PTPRK: variants seen among roughly 807,000 people sequenced by gnomAD.
PTPRK encodes receptor-type tyrosine-protein phosphatase kappa.
In PTPRK, 75 loss-of-function variants were observed where a neutral mutation model predicts 178.0. The observed-to-expected ratio is 0.42, with a 90% CI of 0.35 to 0.51. The LOEUF is 0.51. Among genes scored for constraint, PTPRK ranks in the 20% least tolerant of loss-of-function variants. PTPRK has a pLI of 0.02. For synonymous variants in PTPRK, 637 were observed against 620.6 expected, an observed-to-expected ratio of 1.03 and a Z score of -0.39; for missense variants, 1,441 against 1,797.8, an observed-to-expected ratio of 0.80 and a Z score of 3.59.
chr6:128,218,879 T>C (rs772118325), intron 6 of PTPRK, 43 bp downstream of exon 6: 3 of 1,528,832 alleles, frequency 2.0e-6, no homozygotes, highest in Admixed American at 1.8e-5. Context: ...TTTGTTCTAA[T>C]AAAGCCATGC....
chr6:128,236,283 C>T (rs536332813), intron 5 of PTPRK, among the ~76,000 whole-genome samples: 1 of 150,654 alleles, frequency 6.6e-6, no homozygotes, highest in East Asian at 2.0e-4. Context: ...TCACTGAGCT[C>T]TCAATTGAAA....
intron 7 of PTPRK, among the ~76,000 whole-genome samples, chr6:128,155,009 T>C (rs1797771169): frequency 6.6e-6 from 1 of 151,774 alleles, no homozygotes; most frequent in South Asian, 2.1e-4. Flanking sequence ...TTCTCTCCTC[T>C]CCCATTCTCA....
At chr6:128,380,935 T>C (rs947651204) in intron 2 of PTPRK, among the ~76,000 whole-genome samples, 2 of 152,174 alleles carry the variant, frequency 1.3e-5, no homozygotes, top group African/African-American at 2.4e-5. Flanking sequence ...CCAAAATCTG[T>C]TTGTGCAACA....
At chr6:127,976,574 C>T (rs1179932530) in intron 27 of PTPRK, 83 bp downstream of exon 27, 3 of 1,508,092 alleles carry the variant, frequency 2.0e-6, no homozygotes, top group Non-Finnish European at 2.7e-6. Flanking sequence ...TGTAGTCTCC[C>T]TGTTGTCTGA....
intron 3 of PTPRK, among the ~76,000 whole-genome samples, chr6:128,303,836 AATG>A (rs1825992923): frequency 6.6e-6 from 1 of 152,184 alleles, no homozygotes; most frequent in African/African-American, 2.4e-5. Context: ...CAATTTTCAT[AATG>A]ATTGCAGTTC....
intron 18 of PTPRK, among the ~76,000 whole-genome samples, chr6:127,995,085 G>T (rs1436535647): frequency 6.6e-6 from 1 of 152,008 alleles, no homozygotes; most frequent in Middle Eastern, 3.4e-3. Flanking sequence ...AGATCTTTAC[G>T]CATGTGAAAG....
intron 7 of PTPRK, among the ~76,000 whole-genome samples, chr6:128,156,213 C>CA (rs746857878): frequency 5.3e-5 from 8 of 151,608 alleles, no homozygotes; most frequent in Non-Finnish European, 1.0e-4. Flanking sequence ...GAAATAAAAA[C>CA]AAAAAATATG....
At chr6:128,019,540 G>GA (rs11321571) in intron 13 of PTPRK, among the ~76,000 whole-genome samples, 40 of 146,634 alleles carry the variant, frequency 2.7e-4, no homozygotes, top group Non-Finnish European at 4.1e-4. Context: ...GAAGCAAAAA[G>GA]AAAAAAAAAA....
chr6:128,364,594 C>G (rs984330985), intron 2 of PTPRK, among the ~76,000 whole-genome samples: 9 of 151,992 alleles, frequency 5.9e-5, no homozygotes, highest in African/African-American at 1.9e-4. Flanking sequence ...GCTTCATTAA[C>G]AGTAATGATG....
intron 7 of PTPRK, among the ~76,000 whole-genome samples, chr6:128,142,760 C>T (rs1425509517): frequency 6.6e-6 from 1 of 151,962 alleles, no homozygotes; most frequent in African/African-American, 2.4e-5. Context: ...TAAGGAGTGA[C>T]TGTCCTTCTA....
At chr6:128,214,804 T>C (rs1808941920) in intron 6 of PTPRK, among the ~76,000 whole-genome samples, 1 of 152,130 alleles carries the variant, frequency 6.6e-6, no homozygotes, top group Non-Finnish European at 1.5e-5. Flanking sequence ...AATATTCTTA[T>C]GTATAAGCTA....
intron 27 of PTPRK, among the ~76,000 whole-genome samples, chr6:127,974,050 C>T (rs1299863675): frequency 6.6e-6 from 1 of 152,130 alleles, no homozygotes; most frequent in African/African-American, 2.4e-5. Context: ...ACTATGTATC[C>T]AGTAATTCAT....
At chr6:127,988,775 T>G (rs1030478657) in intron 21 of PTPRK, among the ~76,000 whole-genome samples, 1 of 152,064 alleles carries the variant, frequency 6.6e-6, no homozygotes, top group African/African-American at 2.4e-5. Flanking sequence ...ACTTTATTGA[T>G]CTTTTCAATA....
intron 13 of PTPRK, 67 bp downstream of exon 13, chr6:128,064,691 C>T: frequency 1.3e-6 from 2 of 1,536,160 alleles, no homozygotes; most frequent in Non-Finnish European, 1.7e-6. Context: ...AAGCAGGGAA[C>T]AAAGTCCTTC....
intron 13 of PTPRK, among the ~76,000 whole-genome samples, chr6:128,043,438 CT>C (rs145855595): frequency 0.31 from 46,794 of 151,750 alleles, 9,145 homozygotes; most frequent in Non-Finnish European, 0.43. Context: ...GGATTCCAAA[CT>C]TTTTAGTATG....
chr6:128,159,706 T>C (rs1201558374), intron 7 of PTPRK, among the ~76,000 whole-genome samples: 1 of 151,798 alleles, frequency 6.6e-6, no homozygotes, highest in Non-Finnish European at 1.5e-5. Flanking sequence ...CGTAAACTTG[T>C]ACAGGACCTC....
chr6:128,398,493 T>A (rs545683332), intron 1 of PTPRK, among the ~76,000 whole-genome samples: 55 of 152,308 alleles, frequency 3.6e-4, no homozygotes, highest in African/African-American at 1.2e-3. Flanking sequence ...AAATCGTTTT[T>A]AGTAACTTTA....
intron 7 of PTPRK, among the ~76,000 whole-genome samples, chr6:128,131,936 G>T (rs1794308840): frequency 6.6e-6 from 1 of 151,996 alleles, no homozygotes; most frequent in Non-Finnish European, 1.5e-5. Context: ...TTAATAGTTT[G>T]TTTATAAACT....
At chr6:128,321,893 T>G (rs530387398) in intron 3 of PTPRK, 146 bp downstream of exon 3, 1 of 993,802 alleles carries the variant, frequency 1.0e-6, no homozygotes, top group South Asian at 1.3e-5. Flanking sequence ...TGTATATCTA[T>G]GTATGACACT....
Sources: allele counts gnomAD v4.1 joint callset (sites outside exome capture counted in the v4.1 genomes callset), GRCh38; gene constraint gnomAD v4.1.1; transcripts MANE v1.5; gene names NCBI Gene and HGNC (gene_info 2026-07-23, HGNC 2026-07-21).